Variants in TERF2 observed in about 807,000 individuals in gnomAD.
TERF2 encodes the protein telomeric repeat-binding factor 2.
TERF2 carries 16 observed loss-of-function variants against 56.1 expected under a neutral mutation model. That is an observed-to-expected ratio of 0.29 (90% confidence interval 0.19 to 0.43). The LOEUF is 0.43. TERF2 is among the 20% of genes least tolerant of loss of function. The probability of loss-of-function intolerance (pLI) is 1.00; values close to 1 mark genes in which losing one functional copy is unlikely to be tolerated. For synonymous variants in TERF2, 296 were observed against 282.1 expected (o/e 1.05, Z -0.50); for missense variants, 547 against 712.9 (o/e 0.77, Z 2.65).
At chr16:69,366,636 G>C (rs895675370) in intron 7 of TERF2, 171 bp downstream of exon 7, 2 of 847,792 alleles carry the variant, frequency 2.4e-6, no homozygotes, top group African/African-American at 3.4e-5. Context: ...CTTCAGAACC[G>C]GCAGGGATGG....
At chr16:69,366,186 T>G (rs1199599798) in intron 7 of TERF2, 1 of 152,238 alleles carries the variant, frequency 6.6e-6, no homozygotes, top group Non-Finnish European at 1.5e-5. Flanking sequence ...GAAGCAAAAG[T>G]ACAGTGGTAG....
chr16:69,385,795 C>T lies in TERF2; in HGVS notation c.177G>A (p.Arg59=). The T allele has an allele frequency of 7.7e-7, 1 of 1,296,042 alleles. No homozygotes were observed. The highest frequency in any genetic ancestry group is 2.4e-5 in the South Asian group (1 of 40,878). The allele number at this position is 1,296,042 out of a possible 1,614,324, so 80.3% of individuals were successfully genotyped here. A position where few individuals can be genotyped will look rare whatever the true frequency, so the allele number is the denominator to read the frequency against. The change falls in exon 1 of 10, where the codon AGG becomes AGA. Residue 59 remains arginine (R), a synonymous_variant. Coordinates refer to ENST00000254942, the MANE Select transcript of TERF2 (RefSeq NM_005652.5). ...CCCGCCCGCTACTGCGGGACGCCCGCCTGCCAGCTGCCCGCCCGCTGCCGT... is the reference window on the plus strand; with the variant it reads ...CCCGCCCGCTACTGCGGGACGCCCGTCTGCCAGCTGCCCGCCCGCTGCCGT... ...SSDGSGRAAG[R]RASRSSGRAR...
intron 3 of TERF2, among the ~76,000 whole-genome samples, chr16:69,373,726 G>A (rs553527589): frequency 1.2e-4 from 18 of 152,244 alleles, no homozygotes; most frequent in East Asian, 3.9e-4. Context: ...CCAGCTACTC[G>A]GGAGGTTGAG....
chr16:69,366,664 A>T, intron 7 of TERF2, 143 bp downstream of exon 7: 1 of 1,126,942 alleles, frequency 8.9e-7, no homozygotes, highest in Non-Finnish European at 1.2e-6. Flanking sequence ...GTCACTGGCC[A>T]CTCCTGCGTC....
intron 3 of TERF2, among the ~76,000 whole-genome samples, chr16:69,378,015 A>G (rs1235624668): frequency 6.6e-6 from 1 of 152,154 alleles, no homozygotes; most frequent in Non-Finnish European, 1.5e-5. Context: ...AATTTTTACC[A>G]TTAAGAATGT....
At chr16:69,360,748 T>TA (rs932199596) in intron 8 of TERF2, among the ~76,000 whole-genome samples, 6 of 151,206 alleles carry the variant, frequency 4.0e-5, no homozygotes, top group African/African-American at 1.5e-4. Flanking sequence ...TAGAAACTGT[T>TA]AAGATTTTTT....
intron 5 of TERF2, among the ~76,000 whole-genome samples, chr16:69,369,505 C>T (rs185632172): frequency 1.3e-5 from 2 of 152,194 alleles, no homozygotes; most frequent in Admixed American, 1.3e-4. Flanking sequence ...CACCATGTTG[C>T]CCAGGGTGGT....
In TERF2 at chr16:69,368,414, T is replaced by G. The variant is rs1265588912; in HGVS notation, c.909A>C (p.Ala303=). 1.2e-6 allele frequency: 2 copies of G among 1,614,064 alleles called. No homozygotes were observed. The highest frequency in any genetic ancestry group is 2.7e-5 in the African/African-American group (2 of 74,928). The change falls in exon 6 of 10, where the codon GCA becomes GCC. Residue 303 remains alanine, a synonymous_variant. Coordinates refer to ENST00000254942, the MANE Select transcript of TERF2 (RefSeq NM_005652.5). The part of the protein sequence containing the change: ...SSTGKEDKQP[A]PGPVEKPPRE... Reference sequence around the variant, plus strand: ...TGGGTGGCTTTTCCACAGGCCCTGGTGCTGGCTGTTTATCTTCCTTCCCTG... The same window carrying G: ...TGGGTGGCTTTTCCACAGGCCCTGGGGCTGGCTGTTTATCTTCCTTCCCTG...
intron 3 of TERF2, among the ~76,000 whole-genome samples, chr16:69,378,335 G>C (rs1188250261): frequency 1.3e-5 from 2 of 152,202 alleles, no homozygotes; most frequent in Non-Finnish European, 2.9e-5. Flanking sequence ...GGGGATCACA[G>C]CTCCTTTGGT....
chr16:69,368,663 T>C (rs2013444248), intron 5 of TERF2, 181 bp from the exon 6 acceptor site: 1 of 1,482,278 alleles, frequency 6.7e-7, no homozygotes, highest in African/African-American at 1.4e-5. Flanking sequence ...GCTTTTTTTA[T>C]TCAAACTTAA....
At position 69,385,912 on chromosome 16, in the gene TERF2, T is replaced by G. The variant is rs1178393092; in HGVS notation, c.60A>C (p.Pro20=). The G allele has an allele frequency of 6.5e-6, 9 of 1,392,542 alleles. No individual in the cohort carries two copies. The highest frequency in any genetic ancestry group is 2.8e-6 in the Non-Finnish European group (3 of 1,072,636). 86.3% of individuals were successfully genotyped at this position (1,392,542 alleles called of 1,614,324 possible). ...PASGPGVVRD[P]AASQPRKRPG... is the part of the protein sequence containing the mutation. ...GCCGCTTCCTCGGCTGTGACGCCGC[T>G]GGGTCACGCACGACGCCCGGGCCGG... Residue 20 remains proline (P), a synonymous_variant, in exon 1 of 10, where the codon CCA becomes CCC. Transcript: ENST00000254942.
At chr16:69,375,218 G>C (rs2013734952) in intron 3 of TERF2, among the ~76,000 whole-genome samples, 1 of 152,190 alleles carries the variant, frequency 6.6e-6, no homozygotes, top group South Asian at 2.1e-4. Flanking sequence ...TGCTAAAACA[G>C]TCTCATTTAC....
Position 69,380,085 on chromosome 16 carries a change from G to A in TERF2, c.606+4495C>T, listed in dbSNP as rs562867489. Among the ~76,000 whole-genome samples, 14 of 151,992 alleles carry A rather than the reference G, an allele frequency of 9.2e-5. No homozygotes were observed. In the South Asian group the frequency reaches 2.9e-3, roughly 32 times the overall value. ...CGGGCCACACACCCGGCTAATTTTTGTATTTTTGGTAGAGACAGGGTTTCA... is the reference window on the plus strand; with the variant it reads ...CGGGCCACACACCCGGCTAATTTTTATATTTTTGGTAGAGACAGGGTTTCA... On this transcript the variant is annotated intron_variant, in intron 3 of 9. Transcript: ENST00000254942.
intron 3 of TERF2, among the ~76,000 whole-genome samples, chr16:69,373,588 T>G (rs536620009): frequency 3.6e-4 from 55 of 152,206 alleles, no homozygotes; most frequent in African/African-American, 1.3e-3. Context: ...TTCCCACACT[T>G]TGAGAGGCCA....
rs1206298251 is a variant in TERF2 at position 69,356,727 on chromosome 16, G to A, written c.*171C>T. On this transcript the variant is annotated 3_prime_UTR_variant, in exon 10 of 10. Transcript: ENST00000254942. ...AGGCAGGAGAATGGCGTGAGCCCGG[G>A]AGACGGAGGTCGCAGTGAGCCGAGA... 3 of 666,994 alleles carry A rather than the reference G, an allele frequency of 4.5e-6. No homozygotes were observed. The highest frequency in any genetic ancestry group is 3.7e-5 in the African/African-American group (2 of 53,818). 41.3% of individuals were successfully genotyped at this position (666,994 alleles called of 1,614,324 possible).
At chr16:69,368,992 A>G (rs972261380) in intron 5 of TERF2, among the ~76,000 whole-genome samples, 5 of 152,156 alleles carry the variant, frequency 3.3e-5, no homozygotes, top group East Asian at 1.9e-4. Context: ...GTTCATACTA[A>G]TATCTTCCAG....
At chr16:69,359,559 G>A (rs551533215) in intron 8 of TERF2, among the ~76,000 whole-genome samples, 1 of 138,540 alleles carries the variant, frequency 7.2e-6, no homozygotes, top group South Asian at 2.3e-4. Context: ...ATATGGTTTT[G>A]CTGTTTTGTA....
At chr16:69,373,364 AAC>A (rs1220799480) in intron 3 of TERF2, among the ~76,000 whole-genome samples, 2 of 152,174 alleles carry the variant, frequency 1.3e-5, no homozygotes, top group African/African-American at 4.8e-5. Context: ...GAGGAAAAAT[AAC>A]AGTGACTGAA....
At chr16:69,382,392 G>A (rs1045186084) in intron 3 of TERF2, among the ~76,000 whole-genome samples, 3 of 152,230 alleles carry the variant, frequency 2.0e-5, no homozygotes, top group African/African-American at 7.2e-5. Flanking sequence ...GTAAATTGAA[G>A]AGATGGATGA....
Sources: allele counts gnomAD v4.1 joint callset (sites outside exome capture counted in the v4.1 genomes callset), GRCh38; gene constraint gnomAD v4.1.1; transcripts MANE v1.5; gene names NCBI Gene and HGNC (gene_info 2026-07-23, HGNC 2026-07-21).